Variants in COL8A1 observed in about 807,000 individuals in gnomAD.
COL8A1 encodes the protein collagen type VIII alpha 1 chain.
Under a neutral mutation model 42.7 loss-of-function variants are expected in COL8A1, and 21 were observed. The ratio of observed to expected loss-of-function variants is 0.49; its 90% CI spans 0.35 to 0.71. The LOEUF (loss-of-function observed/expected upper bound fraction) is 0.71. Among genes scored for constraint, COL8A1 ranks in the 30% least tolerant of loss-of-function variants. The probability of loss-of-function intolerance (pLI) is 0.01; values close to 1 mark genes in which losing one functional copy is unlikely to be tolerated. For synonymous variants in COL8A1, 367 were observed against 369.1 expected (o/e 0.99, Z 0.06); for missense variants, 788 against 962.4 (o/e 0.82, Z 2.40).
intron 1 of COL8A1, among the ~76,000 whole-genome samples, chr3:99,730,481 A>C (rs1356287442): frequency 6.6e-6 from 1 of 152,136 alleles, no homozygotes; most frequent in African/African-American, 2.4e-5. Flanking sequence ...CCAGCCACTA[A>C]GTTTCCTGCA....
intron 1 of COL8A1, among the ~76,000 whole-genome samples, chr3:99,681,776 G>A (rs1448772991): frequency 6.6e-6 from 1 of 152,198 alleles, no homozygotes; most frequent in East Asian, 1.9e-4. Flanking sequence ...TAGCTCATGT[G>A]TATGAAGGGC....
intron 1 of COL8A1, among the ~76,000 whole-genome samples, chr3:99,739,158 G>T (rs527782643): frequency 4.9e-4 from 75 of 152,300 alleles, no homozygotes; most frequent in African/African-American, 1.7e-3. Context: ...CAGTACCTCA[G>T]ATGGAAATGC....
At chr3:99,648,837 A>T (rs1454570239) in intron 1 of COL8A1, among the ~76,000 whole-genome samples, 1 of 152,142 alleles carries the variant, frequency 6.6e-6, no homozygotes, top group Admixed American at 6.5e-5. Flanking sequence ...ATGACAGTAA[A>T]CATGACTTAA....
chr3:99,789,068 G>A (rs1450872844), intron 2 of COL8A1, among the ~76,000 whole-genome samples: 1 of 152,046 alleles, frequency 6.6e-6, no homozygotes, highest in Non-Finnish European at 1.5e-5. Context: ...GGGAAAAAAT[G>A]ATTTGTTAGT....
At chr3:99,764,601 C>A (rs147599397) in intron 2 of COL8A1, among the ~76,000 whole-genome samples, 42 of 151,920 alleles carry the variant, frequency 2.8e-4, no homozygotes, top group Admixed American at 7.2e-4. Flanking sequence ...TTTTGACATG[C>A]TATTTAAAAC....
intron 1 of COL8A1, among the ~76,000 whole-genome samples, chr3:99,715,337 G>T (rs1194074747): frequency 6.6e-6 from 1 of 152,030 alleles, no homozygotes; most frequent in African/African-American, 2.4e-5. Context: ...AGTAAGAGGT[G>T]AATATATTAG....
intron 2 of COL8A1, among the ~76,000 whole-genome samples, chr3:99,756,725 G>A (rs1270571022): frequency 6.6e-6 from 1 of 152,144 alleles, no homozygotes; most frequent in Non-Finnish European, 1.5e-5. Flanking sequence ...GCTGAACTTG[G>A]ACTCAAAGAT....
intron 1 of COL8A1, among the ~76,000 whole-genome samples, chr3:99,676,416 T>C (rs1014555845): frequency 6.6e-6 from 1 of 152,110 alleles, no homozygotes; most frequent in African/African-American, 2.4e-5. Flanking sequence ...TAGGCTTTTT[T>C]CCAGGACTAG....
chr3:99,771,330 A>C (rs894607136), intron 2 of COL8A1, among the ~76,000 whole-genome samples: 2 of 152,236 alleles, frequency 1.3e-5, no homozygotes, highest in Non-Finnish European at 2.9e-5. Context: ...AAATACATTC[A>C]TGAAAAGACT....
intron 1 of COL8A1, among the ~76,000 whole-genome samples, chr3:99,716,258 T>C (rs17778253): frequency 0.12 from 18,060 of 151,978 alleles, 1,297 homozygotes; most frequent in African/African-American, 0.18. Context: ...ACGCAAAAGA[T>C]TCTCTTGAGC....
At chr3:99,656,094 A>G (rs543493346) in intron 1 of COL8A1, among the ~76,000 whole-genome samples, 5 of 152,362 alleles carry the variant, frequency 3.3e-5, no homozygotes, top group Admixed American at 6.5e-5. Flanking sequence ...TTTAAAAATG[A>G]AAAACATTAT....
intron 1 of COL8A1, among the ~76,000 whole-genome samples, chr3:99,649,565 T>A (rs1347095782): frequency 6.6e-6 from 1 of 152,166 alleles, no homozygotes; most frequent in African/African-American, 2.4e-5. Context: ...TTCTGAAATA[T>A]TCCTTGATGA....
Position 99,794,181 on chromosome 3 carries a change from ATCTC to A in COL8A1, c.329-40_329-37del, listed in dbSNP as rs756867922. On this transcript the variant is annotated intron_variant, in intron 3 of 3. Coordinates refer to ENST00000652472, the MANE Select transcript of COL8A1 (RefSeq NM_020351.4). The surrounding 1 kb of genome is among the most constrained non-coding windows in gnomAD (Gnocchi z 4.3). ...GATGTGAGAGACAATCTACTAATCA[ATCTC>A]TCTCTCTCCCCCCATACCCCTTCTC... 1.7e-6 allele frequency: 2 copies of A among 1,183,654 alleles called. No individual in the cohort carries two copies. Among genetic ancestry groups the A allele is most frequent in the Non-Finnish European group, 2.4e-6 (2 of 840,420 alleles). The allele number at this position is 1,183,654 out of a possible 1,614,324, so 73.3% of individuals were successfully genotyped here. A position where few individuals can be genotyped will look rare whatever the true frequency, so the allele number is the denominator to read the frequency against.
chr3:99,669,187 A>C (rs1938467937), intron 1 of COL8A1, among the ~76,000 whole-genome samples: 1 of 148,666 alleles, frequency 6.7e-6, no homozygotes, highest in Admixed American at 6.7e-5. Flanking sequence ...AGAGAGGGAC[A>C]AAGGGATAAT....
chr3:99,653,449 A>G (rs1937915446), intron 1 of COL8A1, among the ~76,000 whole-genome samples: 1 of 151,742 alleles, frequency 6.6e-6, no homozygotes, highest in Non-Finnish European at 1.5e-5. Context: ...CCAAATGGCA[A>G]CAGTTCAATC....
chr3:99,756,891 T>C (rs1941264434), intron 2 of COL8A1, among the ~76,000 whole-genome samples: 1 of 152,210 alleles, frequency 6.6e-6, no homozygotes, highest in African/African-American at 2.4e-5. Flanking sequence ...AACTGAAGGA[T>C]CACTAAATTC....
intron 2 of COL8A1, among the ~76,000 whole-genome samples, chr3:99,773,322 T>G (rs1455733934): frequency 6.6e-6 from 1 of 152,152 alleles, no homozygotes; most frequent in African/African-American, 2.4e-5. Context: ...TTCCACGTCA[T>G]AGTGAGCAGG....
At chr3:99,684,102 T>C (rs1291813757) in intron 1 of COL8A1, among the ~76,000 whole-genome samples, 1 of 152,184 alleles carries the variant, frequency 6.6e-6, no homozygotes, top group African/African-American at 2.4e-5. Flanking sequence ...AATCCCATGA[T>C]GTTCTGGACT....
At chr3:99,747,191 A>T (rs1941043859) in intron 2 of COL8A1, among the ~76,000 whole-genome samples, 2 of 152,160 alleles carry the variant, frequency 1.3e-5, no homozygotes, top group African/African-American at 4.8e-5. Context: ...ACCTTCCAAA[A>T]ATATAGATTC....
Sources: allele counts gnomAD v4.1 joint callset (sites outside exome capture counted in the v4.1 genomes callset), GRCh38; gene constraint gnomAD v4.1.1; non-coding constraint Gnocchi (gnomAD v3.1); transcripts MANE v1.5; gene names NCBI Gene and HGNC (gene_info 2026-07-23, HGNC 2026-07-21).